The following PPL variants were observed in gnomAD, a reference collection of about 807,000 sequenced individuals.
The protein encoded by PPL is 190 kDa paraneoplastic pemphigus antigen.
A neutral mutation model predicts 194.4 loss-of-function variants in PPL; 198 were observed. The observed-to-expected ratio is 1.02, with a 90% CI of 0.91 to 1.15. PPL has a LOEUF of 1.15. PPL is among the 50% of genes most tolerant of loss of function. The pLI is 0.00. For missense variants in PPL, 2,885 were observed against 2,294.8 expected (o/e 1.26, Z -5.25); for synonymous variants, 1,220 against 972.4 (o/e 1.25, Z -4.74).
At chr16:4,897,504 G>A (rs1330748511) in intron 9 of PPL, among the ~76,000 whole-genome samples, 171 bp downstream of exon 9, 2 of 152,076 alleles carry the variant, frequency 1.3e-5, no homozygotes, top group African/African-American at 4.8e-5. Flanking sequence ...GGCAAGCTTG[G>A]GACATGTCTG....
chr16:4,934,497 C>T (rs759815643), intron 1 of PPL, among the ~76,000 whole-genome samples: 1 of 152,094 alleles, frequency 6.6e-6, no homozygotes, highest in African/African-American at 2.4e-5. Context: ...GTATTACCAC[C>T]CGTGCTGTGC....
intron 1 of PPL, among the ~76,000 whole-genome samples, chr16:4,935,945 C>T (rs1375709274): frequency 6.6e-6 from 1 of 152,116 alleles, no homozygotes; most frequent in Non-Finnish European, 1.5e-5. Flanking sequence ...GCCTCTTGTC[C>T]GAGAAGCTGG....
intron 2 of PPL, among the ~76,000 whole-genome samples, chr16:4,907,090 A>AAT (rs2088703178): frequency 6.7e-6 from 1 of 150,364 alleles, no homozygotes. Context: ...AAAAAAAAAA[A>AAT]AAAAAAAAAA....
intron 2 of PPL, among the ~76,000 whole-genome samples, chr16:4,909,688 A>G (rs1355943998): frequency 6.6e-6 from 1 of 151,898 alleles, no homozygotes; most frequent in Non-Finnish European, 1.5e-5. Flanking sequence ...CGGCCTCCCA[A>G]AGTACTGGGA....
At chr16:4,928,154 A>AT (rs755844568) in intron 1 of PPL, among the ~76,000 whole-genome samples, 23 of 152,164 alleles carry the variant, frequency 1.5e-4, no homozygotes, top group African/African-American at 4.8e-4. Context: ...CTCCTTTTTC[A>AT]TTTTTTGAGA....
intron 9 of PPL, 65 bp downstream of exon 9, chr16:4,897,610 G>A (rs1436021985): frequency 1.5e-6 from 2 of 1,294,446 alleles, no homozygotes; most frequent in East Asian, 4.7e-5. Flanking sequence ...GAGCCAGGTA[G>A]GCACTGAGCG....
Position 4,902,434 on chromosome 16 carries a change from T to C in PPL, c.410A>G (p.Asn137Ser). The stretch of plus-strand genomic sequence containing the variant: ...CTTCTCCTCCACCAGTGCCGCCCAG[T>C]TGACCTGTGGATCCACTTCCTTCAC... ...LAVKEVDPQV[N>S]WAALVEEKLD... Residue 137 changes from asparagine to serine, a missense_variant, in exon 4 of 22, where the codon AAC (asparagine) becomes AGC (serine). Coordinates refer to ENST00000345988, the MANE Select transcript of PPL (RefSeq NM_002705.5). The surrounding 1 kb of genome is among the most constrained non-coding windows in gnomAD (Gnocchi z 4.0). The C allele has an allele frequency of 1.9e-6, 3 of 1,614,104 alleles. No individual in the cohort carries two copies. Among genetic ancestry groups the C allele is most frequent in the Non-Finnish European group, 2.5e-6 (3 of 1,179,976 alleles).
At position 4,892,150 on chromosome 16, in the gene PPL, C is replaced by G. The variant is rs35300633; in HGVS notation, c.1714G>C (p.Ala572Pro). 1.2e-6 allele frequency: 2 copies of G among 1,613,706 alleles called. No homozygotes were observed. The highest frequency in any genetic ancestry group is 8.5e-7 in the Non-Finnish European group (1 of 1,180,042). The stretch of plus-strand genomic sequence containing the variant: ...CTGCCTGGGAGGGCCTGGATGAAGG[C>G]TTCGCCCTCAGCCGTGCTCCGCGTC... ...EKTRSTAEGE[A>P]FIQALPGSGT... The change falls in exon 15 of 22, where the codon GCC (alanine) becomes CCC (proline). Residue 572 changes from alanine (A) to proline (P), a missense_variant. By Grantham distance (27) the Ala-to-Pro change is conservative. Coordinates refer to ENST00000345988, the MANE Select transcript of PPL (RefSeq NM_002705.5).
chr16:4,899,760 G>T (rs985071679), intron 6 of PPL, among the ~76,000 whole-genome samples: 1 of 152,204 alleles, frequency 6.6e-6, no homozygotes, highest in African/African-American at 2.4e-5. Context: ...TGACCTCACA[G>T]CGTACAGAGA....
intron 1 of PPL, among the ~76,000 whole-genome samples, chr16:4,922,746 A>G (rs2089074987): frequency 6.6e-6 from 1 of 151,206 alleles, no homozygotes; most frequent in Non-Finnish European, 1.5e-5. Flanking sequence ...AGCACCTGGG[A>G]GATGAAAGCA....
intron 13 of PPL, 48 bp from the exon 14 acceptor site, chr16:4,893,418 T>A: frequency 6.3e-7 from 1 of 1,594,760 alleles, no homozygotes; most frequent in South Asian, 1.1e-5. Context: ...GGGCCAGGGG[T>A]GTGAGGCCCA....
At chr16:4,917,063 C>G (rs576301114) in intron 1 of PPL, among the ~76,000 whole-genome samples, 1 of 151,906 alleles carries the variant, frequency 6.6e-6, no homozygotes, top group Non-Finnish European at 1.5e-5. Flanking sequence ...ACCTGGGAGG[C>G]GGAGGTTGCA....
chr16:4,890,389 C>T, intron 17 of PPL, 55 bp from the exon 18 acceptor site: 3 of 1,503,004 alleles, frequency 2.0e-6, no homozygotes, highest in Non-Finnish European at 2.7e-6. Flanking sequence ...CCTCACCGAG[C>T]CCTCATTTTT....
intron 2 of PPL, among the ~76,000 whole-genome samples, chr16:4,907,206 G>A (rs1437603967): frequency 6.6e-6 from 1 of 151,854 alleles, no homozygotes; most frequent in African/African-American, 2.4e-5. Context: ...AGGCTTCAGT[G>A]AGTCGTGATT....
rs138818046 is a variant in PPL at position 4,906,427 on chromosome 16, G to A, written c.163-2387C>T. ...TTTTTAGTAGAGACGGGGTTTCACC[G>A]TGTTAGCCAGGATGGTCTCGATCTC... On this transcript the variant is annotated intron_variant, in intron 2 of 21. Coordinates refer to ENST00000345988, the MANE Select transcript of PPL (RefSeq NM_002705.5). 1.1e-3 allele frequency among the ~76,000 whole-genome samples: 167 copies of A among 152,104 alleles called. 1 individual carries two copies. The East Asian group carries it at 0.024, about 22-fold the overall frequency.
At chr16:4,917,380 T>C (rs2088944489) in intron 1 of PPL, among the ~76,000 whole-genome samples, 1 of 152,164 alleles carries the variant, frequency 6.6e-6, no homozygotes, top group Admixed American at 6.5e-5. Context: ...TCGAGAATGT[T>C]ATGCTCAGTG....
intron 1 of PPL, among the ~76,000 whole-genome samples, chr16:4,926,942 T>G (rs2089166537): frequency 2.0e-5 from 3 of 151,244 alleles, no homozygotes; most frequent in Non-Finnish European, 4.4e-5. Flanking sequence ...CCAGGGTATT[T>G]TCATCCACTG....
Position 4,883,708 on chromosome 16 carries a change from C to G in PPL, c.4947G>C (p.Gln1649His), listed in dbSNP as rs188872389. 803 of 1,614,024 alleles carry G rather than the reference C, an allele frequency of 5.0e-4. No homozygotes were observed. Among genetic ancestry groups the G allele is most frequent in the Non-Finnish European group, 6.6e-4 (778 of 1,180,006 alleles). The change falls in exon 22 of 22, where the codon CAG becomes CAC. Residue 1649 changes from glutamine to histidine, a missense_variant. Coordinates refer to ENST00000345988, the MANE Select transcript of PPL (RefSeq NM_002705.5). The surrounding 1 kb of genome is among the most constrained non-coding windows in gnomAD (Gnocchi z 4.8). ...RLGSVAVKRE[Q>H]RENHLRRSIV... ...TGGAGCGCCGCAGGTGGTTCTCCCG[C>G]TGCTCCCGCTTGACGGCCACGGAGC...
intron 1 of PPL, among the ~76,000 whole-genome samples, chr16:4,931,305 A>G (rs2089222372): frequency 6.6e-6 from 1 of 152,176 alleles, no homozygotes; most frequent in South Asian, 2.1e-4. Context: ...TCAAGGCTAC[A>G]GTGAGCTATG....
Sources: allele counts gnomAD v4.1 joint callset (sites outside exome capture counted in the v4.1 genomes callset), GRCh38; gene constraint gnomAD v4.1.1; non-coding constraint Gnocchi (gnomAD v3.1); transcripts MANE v1.5; gene names NCBI Gene and HGNC (gene_info 2026-07-23, HGNC 2026-07-21).